Variants in ZNF33B observed in about 807,000 individuals in gnomAD.
ZNF33B encodes the protein zinc finger protein 11b (KOX 2).
In ZNF33B, 29 loss-of-function variants were observed where a neutral mutation model predicts 45.8. The ratio of observed to expected loss-of-function variants is 0.63; its 90% CI spans 0.47 to 0.86. The LOEUF is 0.86. Ranked by LOEUF, ZNF33B falls within the 40% of genes least tolerant of loss-of-function variation. The pLI is 0.00. For missense variants in ZNF33B, 831 were observed against 909.9 expected (o/e 0.91, Z 1.12); for synonymous variants, 305 against 307.8 (o/e 0.99, Z 0.10).
chr10:42,583,173 A>C (rs1313612388), intron 1 of ZNF33B: 1 of 767,508 alleles, frequency 1.3e-6, no homozygotes, highest in Non-Finnish European at 2.3e-6. Flanking sequence ...TGTCTGTCTT[A>C]GGGTTGATGT....
At chr10:42,637,698 TG>T (rs1180359255) in intron 1 of ZNF33B, among the ~76,000 whole-genome samples, 2 of 152,228 alleles carry the variant, frequency 1.3e-5, no homozygotes, top group African/African-American at 4.8e-5. Context: ...GTTTCGTTCT[TG>T]TTGCCCAGTC....
rs767805937 is a variant in ZNF33B at position 42,632,414 on chromosome 10, A to T, written c.35T>A (p.Val12Glu). ...GCCCACAGTCACATCTTTAAATGAT[A>T]CTGACCCCTGGAACTTCTGATCTAC... The part of the protein sequence containing the change: ...NKVDQKFQGS[V>E]SFKDVTVGFT... The change falls in exon 3 of 5, where the codon GTA becomes GAA. Residue 12 changes from valine to glutamate, a missense_variant. Val to Glu is a moderately radical substitution (Grantham distance 121, BLOSUM62 -2). Coordinates refer to ENST00000359467, the MANE Select transcript of ZNF33B (RefSeq NM_006955.3). 125 of 1,613,598 alleles carry T rather than the reference A, an allele frequency of 7.7e-5. No homozygotes were observed. Among genetic ancestry groups the T allele is most frequent in the Non-Finnish European group, 1.0e-4 (120 of 1,179,948 alleles).
At chr10:42,586,277 C>T (rs1836934434), downstream of ZNF33B, among the ~76,000 whole-genome samples, 2 of 151,352 alleles carry the variant, frequency 1.3e-5, no homozygotes, top group African/African-American at 4.9e-5. Context: ...CCTCAGCCTC[C>T]CGAGTAGCTC....
At chr10:42,620,176 A>G (rs1410037827) in intron 4 of ZNF33B, among the ~76,000 whole-genome samples, 1 of 150,014 alleles carries the variant, frequency 6.7e-6, no homozygotes. Context: ...AGATCATACC[A>G]CTACACTCTG....
chr10:42,598,377 T>C (rs994735578), intron 4 of ZNF33B, among the ~76,000 whole-genome samples: 4 of 152,090 alleles, frequency 2.6e-5, no homozygotes, highest in Non-Finnish European at 4.4e-5. Context: ...TGTTCATGAG[T>C]TTGCTGCTGC....
chr10:42,606,303 A>G (rs145982794), intron 4 of ZNF33B, among the ~76,000 whole-genome samples: 1,921 of 152,156 alleles, frequency 0.013, 25 homozygotes, highest in African/African-American at 0.032. Flanking sequence ...CATCTCTACT[A>G]AAAACACAAA....
At chr10:42,633,911 G>C (rs986008557) in intron 2 of ZNF33B, among the ~76,000 whole-genome samples, 5 of 151,288 alleles carry the variant, frequency 3.3e-5, no homozygotes, top group African/African-American at 1.2e-4. Context: ...AGACATTGCA[G>C]TCAGCCGAGG....
intron 4 of ZNF33B, among the ~76,000 whole-genome samples, chr10:42,627,588 T>C (rs1838866301): frequency 6.6e-6 from 1 of 152,208 alleles, no homozygotes. Context: ...TTTTGCTCTT[T>C]GCTAGTTTCT....
intron 1 of ZNF33B, among the ~76,000 whole-genome samples, chr10:42,583,977 TGCAGCACA>T (rs1308818869): frequency 6.6e-6 from 1 of 152,188 alleles, no homozygotes; most frequent in East Asian, 1.9e-4. Context: ...ACTGCTCAGC[TGCAGCACA>T]GCAACCTGTG....
intron 4 of ZNF33B, among the ~76,000 whole-genome samples, chr10:42,628,333 A>G (rs1379959805): frequency 6.6e-6 from 1 of 152,308 alleles, no homozygotes; most frequent in Non-Finnish European, 1.5e-5. Flanking sequence ...GCACTATTCT[A>G]TAATGATGCT....
intron 2 of ZNF33B, among the ~76,000 whole-genome samples, chr10:42,633,758 A>C (rs1839159155): frequency 6.6e-6 from 1 of 152,184 alleles, no homozygotes; most frequent in African/African-American, 2.4e-5. Flanking sequence ...ACCTGAGGAC[A>C]GGAGTTCGAG....
intron 4 of ZNF33B, among the ~76,000 whole-genome samples, chr10:42,620,217 G>GA (rs35650961): frequency 0.011 from 1,094 of 100,538 alleles, 5 homozygotes; most frequent in Non-Finnish European, 0.017. Flanking sequence ...CTTTGGTCTT[G>GA]AAAAAAAAAA....
At chr10:42,599,551 T>A (rs1391416768) in intron 4 of ZNF33B, among the ~76,000 whole-genome samples, 1 of 151,494 alleles carries the variant, frequency 6.6e-6, no homozygotes, top group African/African-American at 2.4e-5. Context: ...ATTTAATATA[T>A]ATTACACATA....
chr10:42,593,883 T>C lies in ZNF33B; in HGVS notation c.1067A>G (p.His356Arg), dbSNP rs7914982. The change falls in exon 5 of 5, where the codon CAC becomes CGC. Residue 356 changes from histidine to arginine, a missense_variant. Transcript: ENST00000359467. ...TTTTCCACATTGATTACATTGAAAG[T>C]GTTTCTCTCCTGTGTGCACCCTCTG... ...RHQRVHTGEK[H>R]FQCNQCGKTF... 5,201 of 1,614,058 alleles carry C rather than the reference T, an allele frequency of 3.2e-3. 154 individuals carry two copies. In the African/African-American group the frequency reaches 0.062, roughly 19 times the overall value.
At chr10:42,588,344 A>C (rs1157809642), downstream of ZNF33B, among the ~76,000 whole-genome samples, 2 of 152,224 alleles carry the variant, frequency 1.3e-5, no homozygotes, top group Non-Finnish European at 2.9e-5. Context: ...CCAAGTGCAA[A>C]CCTGCCAGCA....
intron 4 of ZNF33B, among the ~76,000 whole-genome samples, chr10:42,600,099 A>C (rs2132059391): frequency 6.6e-6 from 1 of 152,220 alleles, no homozygotes; most frequent in South Asian, 2.1e-4. Context: ...TTTGCTTTAC[A>C]ATCAGGATGT....
Position 42,592,642 on chromosome 10 carries a change from T to C in ZNF33B, c.2308A>G (p.Thr770Ala). ...TCATAAGGTTTTTCTCCTATGTGTGTTCTCTGATGTACAATGAGATTTGAC... is the reference window on the plus strand; with the variant it reads ...TCATAAGGTTTTTCTCCTATGTGTGCTCTCTGATGTACAATGAGATTTGAC... The part of the protein sequence containing the change: ...QKSNLIVHQR[T>A]HIGEKPYE The change falls in exon 5 of 5, where the codon ACA (threonine) becomes GCA (alanine). Residue 770 changes from threonine (T) to alanine (A), a missense_variant. Physicochemically the swap from Thr to Ala is moderately conservative, Grantham distance 58. Coordinates refer to ENST00000359467, the MANE Select transcript of ZNF33B (RefSeq NM_006955.3). The C allele has an allele frequency of 1.9e-6, 3 of 1,613,806 alleles. No homozygotes were observed. Among genetic ancestry groups the C allele is most frequent in the Non-Finnish European group, 2.5e-6 (3 of 1,179,808 alleles).
chr10:42,600,596 C>A (rs150181190), intron 4 of ZNF33B, among the ~76,000 whole-genome samples: 544 of 152,202 alleles, frequency 3.6e-3, no homozygotes, highest in African/African-American at 0.013. Flanking sequence ...ATGATTGGAT[C>A]TTATTTTTAT....
At chr10:42,635,877 T>C (rs904259126) in intron 2 of ZNF33B, among the ~76,000 whole-genome samples, 1 of 151,016 alleles carries the variant, frequency 6.6e-6, no homozygotes, top group African/African-American at 2.4e-5. Context: ...ACGCCTGTAA[T>C]CCCAGCACTT....
Sources: gnomAD v4.1 joint callset for allele counts (sites outside exome capture counted in the v4.1 genomes callset) on GRCh38, gnomAD v4.1.1 for gene constraint, MANE v1.5 for transcripts, NCBI Gene and HGNC (gene_info 2026-07-23, HGNC 2026-07-21) for gene names.